The following CACNA1E variants were observed in gnomAD, a reference collection of about 807,000 sequenced individuals.
CACNA1E encodes the protein voltage-dependent R-type calcium channel subunit alpha-1E.
CACNA1E carries 40 observed loss-of-function variants against 259.2 expected under a neutral mutation model. That is an observed-to-expected ratio of 0.15 (90% CI 0.12 to 0.20). The LOEUF (loss-of-function observed/expected upper bound fraction) is 0.20. Among genes scored for constraint, CACNA1E ranks in the 10% least tolerant of loss-of-function variants. The pLI, the probability that CACNA1E is intolerant of heterozygous loss-of-function variation, is 1.00. For missense variants in CACNA1E, 1,874 were observed against 3,040.1 expected, an observed-to-expected ratio of 0.62 and a Z score of 9.02; for synonymous variants, 1,104 against 1,138.5, an observed-to-expected ratio of 0.97 and a Z score of 0.61.
At chr1:181,752,334 A>C (rs953254111) in intron 27 of CACNA1E, 95 bp downstream of exon 27, 1 of 901,872 alleles carries the variant, frequency 1.1e-6, no homozygotes, top group African/African-American at 1.6e-5. Context: ...TGTTCTGGGA[A>C]TATTCCTTTT....
intron 1 of CACNA1E, among the ~76,000 whole-genome samples, chr1:181,355,622 AAAACAAAAC>A (rs1368679759): frequency 1.3e-5 from 2 of 151,528 alleles, no homozygotes; most frequent in African/African-American, 2.4e-5. Flanking sequence ...AAAACAAAAC[AAAACAAAAC>A]AAACCAGACA....
chr1:181,746,863 T>G (rs1425819654), intron 25 of CACNA1E, among the ~76,000 whole-genome samples: 3 of 152,200 alleles, frequency 2.0e-5, no homozygotes, highest in Non-Finnish European at 4.4e-5. Flanking sequence ...CAGGCACATT[T>G]AGGCCTGAAT....
chr1:181,403,292 A>G (rs78083096), intron 1 of CACNA1E, among the ~76,000 whole-genome samples: 2,159 of 151,728 alleles, frequency 0.014, 14 homozygotes, highest in Admixed American at 0.021. Context: ...GTATAAAATT[A>G]AGAACCCAAT....
At chr1:181,797,507 C>T (rs187493318) in intron 47 of CACNA1E, among the ~76,000 whole-genome samples, 165 of 152,280 alleles carry the variant, frequency 1.1e-3, no homozygotes, top group South Asian at 3.3e-3. Context: ...ACACAGCAGT[C>T]GAGAGGTTTC....
intron 2 of CACNA1E, among the ~76,000 whole-genome samples, chr1:181,464,920 T>C (rs1437973514): frequency 6.6e-6 from 1 of 152,070 alleles, no homozygotes; most frequent in Non-Finnish European, 1.5e-5. Context: ...TATGTATTCA[T>C]AAATTAGACA....
chr1:181,590,845 G>A (rs1020074419), intron 6 of CACNA1E, among the ~76,000 whole-genome samples: 5 of 150,842 alleles, frequency 3.3e-5, no homozygotes, highest in African/African-American at 9.7e-5. Flanking sequence ...TGGTATCTGT[G>A]GATGGGCTTT....
intron 1 of CACNA1E, among the ~76,000 whole-genome samples, chr1:181,344,734 C>A (rs1169609216): frequency 6.6e-6 from 1 of 152,188 alleles, no homozygotes; most frequent in Non-Finnish European, 1.5e-5. Flanking sequence ...AAAGGAAACA[C>A]CCAGAGTGCA....
chr1:181,736,944 G>A (rs528356770), intron 22 of CACNA1E, among the ~76,000 whole-genome samples: 4 of 152,292 alleles, frequency 2.6e-5, no homozygotes, highest in South Asian at 4.1e-4. Context: ...GAGTCTGGAA[G>A]GTTAGATTCA....
intron 7 of CACNA1E, among the ~76,000 whole-genome samples, chr1:181,707,339 T>G (rs889730333): frequency 6.6e-6 from 1 of 152,178 alleles, no homozygotes; most frequent in African/African-American, 2.4e-5. Flanking sequence ...GCTCTGGGAC[T>G]GTGAGTTCCA....
At chr1:181,418,271 A>G (rs973444269) in intron 2 of CACNA1E, among the ~76,000 whole-genome samples, 2 of 152,170 alleles carry the variant, frequency 1.3e-5, no homozygotes, top group Non-Finnish European at 2.9e-5. Flanking sequence ...CTAGGAGTAC[A>G]GGTGAAAGTG....
chr1:181,801,847 T>A lies in CACNA1E; in HGVS notation c.*3013T>A, dbSNP rs1662297137. 1 of 152,238 alleles carries A rather than the reference T, an allele frequency of 6.6e-6. No homozygotes were observed. The highest frequency in any genetic ancestry group is 2.1e-4 in the South Asian group (1 of 4,834). 9.4% of individuals were successfully genotyped at this position (152,238 alleles called of 1,614,324 possible). ...GAGTCATATATTCAGTTTCTCTTGC[T>A]AATATATGACTCGTCTTCACCATCT... On this transcript the variant is annotated 3_prime_UTR_variant, in exon 48 of 48. Transcript: ENST00000367573.
In CACNA1E at chr1:181,733,501, C is replaced by G. The variant is rs1213605923; in HGVS notation, c.3013C>G (p.Pro1005Ala). Residue 1005 changes from proline (P) to alanine (A), a missense_variant, in exon 21 of 48, where the codon CCC becomes GCC. Around this residue, in one of 14 missense-constraint regions of CACNA1E, gnomAD observed 476 missense variants for 514.0 expected, o/e 0.93. Transcript: ENST00000367573. The part of the protein sequence containing the change: ...LAGGLDEADT[P>A]LVLPHPELEV... The stretch of plus-strand genomic sequence containing the variant: ...AGGAGGCCTTGATGAGGCTGACACC[C>G]CCCTAGTCCTGCCCCATCCTGAGCT... 6.3e-7 allele frequency: 1 copy of G among 1,599,120 alleles called. No individual in the cohort carries two copies. The highest frequency in any genetic ancestry group is 1.7e-5 in the Admixed American group (1 of 58,932).
rs953799120 is a variant in CACNA1E, at chr1:181,763,533, T to TA, written c.4815+4dup. On this transcript the variant is annotated splice_region_variant and intron_variant, in intron 34 of 47. Coordinates refer to ENST00000367573, the MANE Select transcript of CACNA1E (RefSeq NM_001205293.3). ...TGGACCTTTGTGCAGTCCTTTAAGGTAAGAGGTACCAGCAAATCCTCTCTG... is the reference window on the plus strand; with the variant it reads ...TGGACCTTTGTGCAGTCCTTTAAGGTAAAGAGGTACCAGCAAATCCTCTCTG... The TA allele has an allele frequency of 7.1e-6, 11 of 1,554,848 alleles. No homozygotes were observed. Among genetic ancestry groups the TA allele is most frequent in the Non-Finnish European group, 9.7e-6 (11 of 1,138,930 alleles).
At chr1:181,538,319 A>T (rs1007731454) in intron 3 of CACNA1E, among the ~76,000 whole-genome samples, 3 of 152,180 alleles carry the variant, frequency 2.0e-5, no homozygotes, top group African/African-American at 7.2e-5. Context: ...CTTTAAGGGA[A>T]CTTACATTCT....
intron 1 of CACNA1E, among the ~76,000 whole-genome samples, chr1:181,394,451 A>G (rs938505723): frequency 6.6e-6 from 1 of 152,234 alleles, no homozygotes; most frequent in Non-Finnish European, 1.5e-5. Context: ...TGTTGACTAC[A>G]TGCCAAAAAT....
chr1:181,717,334 G>T, intron 11 of CACNA1E, 32 bp downstream of exon 11: 1 of 1,575,084 alleles, frequency 6.3e-7, no homozygotes, highest in East Asian at 2.2e-5. Flanking sequence ...AGCCTCCTCT[G>T]CTGGTCCCCA....
chr1:181,629,877 G>A (rs1379551480), intron 6 of CACNA1E, among the ~76,000 whole-genome samples: 2 of 152,170 alleles, frequency 1.3e-5, no homozygotes, highest in East Asian at 3.8e-4. Flanking sequence ...GTGGAATGTT[G>A]CCTACCTGTG....
At chr1:181,377,451 A>T (rs1188502959) in intron 1 of CACNA1E, among the ~76,000 whole-genome samples, 3 of 152,190 alleles carry the variant, frequency 2.0e-5, no homozygotes, top group Non-Finnish European at 4.4e-5. Context: ...GTGTTTAGAG[A>T]TGAATGCTGG....
rs4083900 is a variant in CACNA1E, at chr1:181,511,357, C to T, written c.373-14C>T. 1.7e-3 allele frequency: 2,779 copies of T among 1,613,778 alleles called. 33 individuals carry two copies. In the African/African-American group the frequency reaches 0.031, roughly 18 times the overall value. ...TCCTCTTCTCACTGGTGCTTCTGCT[C>T]CTCATCCCCACAGGAGAAGACAGAA... is the stretch of plus-strand genomic sequence containing the variant. On this transcript the variant is annotated splice_polypyrimidine_tract_variant and intron_variant, in intron 2 of 47. Transcript: ENST00000367573.
Sources: allele counts gnomAD v4.1 joint callset (sites outside exome capture counted in the v4.1 genomes callset), GRCh38; gene constraint gnomAD v4.1.1; regional missense constraint gnomAD v4.1.1; transcripts MANE v1.5; gene names NCBI Gene and HGNC (gene_info 2026-07-23, HGNC 2026-07-21).